FGF12: variants seen among roughly 807,000 people sequenced by gnomAD.
FGF12 encodes the protein fibroblast growth factor 12B.
FGF12 carries 14 observed loss-of-function variants against 23.6 expected under a neutral mutation model. That is an observed-to-expected ratio of 0.59 (90% CI 0.39 to 0.93). FGF12 has a LOEUF of 0.93. FGF12 is among the 40% of genes least tolerant of loss of function. FGF12 has a pLI of 0.00. For synonymous variants in FGF12, 62 were observed against 77.3 expected (o/e 0.80, Z 1.04); for missense variants, 175 against 217.8 (o/e 0.80, Z 1.24).
chr3:192,262,364 T>C (rs555143098), intron 4 of FGF12, among the ~76,000 whole-genome samples: 15 of 152,176 alleles, frequency 9.9e-5, no homozygotes, highest in Non-Finnish European at 1.9e-4. Flanking sequence ...CATTGCATGT[T>C]AAGCTCTAAA....
At chr3:192,723,650 G>A (rs886860122) in intron 2 of FGF12, among the ~76,000 whole-genome samples, 5 of 151,970 alleles carry the variant, frequency 3.3e-5, no homozygotes, top group Non-Finnish European at 7.4e-5. Context: ...AGCATCACTT[G>A]GGAGCCATTT....
At chr3:192,645,767 TAAAAAAAAAAAAAAAA>T (rs55809400) in intron 2 of FGF12, among the ~76,000 whole-genome samples, 1 of 71,042 alleles carries the variant, frequency 1.4e-5, no homozygotes, top group Non-Finnish European at 2.7e-5. Flanking sequence ...ACAAAACAGG[TAAAAAAAAAAAAAAAA>T]AAAAAAAAAA....
In FGF12 at chr3:192,170,676, A is replaced by AG. The variant is rs1491137306; in HGVS notation, c.229-21dup. The AG allele has an allele frequency of 6.9e-7, 1 of 1,446,802 alleles. No homozygotes were observed. The highest frequency in any genetic ancestry group is 9.4e-7 in the Non-Finnish European group (1 of 1,059,352). The allele number at this position is 1,446,802 out of a possible 1,614,324, so 89.6% of individuals were successfully genotyped here. A position where few individuals can be genotyped will look rare whatever the true frequency, so the allele number is the denominator to read the frequency against. On this transcript the variant is annotated intron_variant, in intron 4 of 5. Coordinates refer to ENST00000445105, the MANE Select transcript of FGF12 (RefSeq NM_004113.6). ...AACATCCTGTAGGAAAAAAAAAAAA[A>AG]GACACAAAAAAGAGAAATGATTTAA...
chr3:192,723,756 G>A (rs1719112187), intron 2 of FGF12, among the ~76,000 whole-genome samples: 1 of 151,764 alleles, frequency 6.6e-6, no homozygotes. Flanking sequence ...AGCTCTACAG[G>A]TGTTTCTATA....
intron 2 of FGF12, among the ~76,000 whole-genome samples, chr3:192,593,963 T>C (rs1233237816): frequency 6.6e-6 from 1 of 151,988 alleles, no homozygotes; most frequent in Non-Finnish European, 1.5e-5. Flanking sequence ...GACACTTTCA[T>C]TCTTAGTCTT....
intron 2 of FGF12, among the ~76,000 whole-genome samples, chr3:192,389,935 A>C (rs1376428153): frequency 6.6e-6 from 1 of 152,234 alleles, no homozygotes; most frequent in Admixed American, 6.5e-5. Context: ...TTTAATCTAA[A>C]CCAAGAATGG....
At chr3:192,318,925 A>T (rs1716383260) in intron 4 of FGF12, among the ~76,000 whole-genome samples, 1 of 152,200 alleles carries the variant, frequency 6.6e-6, no homozygotes, top group African/African-American at 2.4e-5. Flanking sequence ...ACAGGCCAAG[A>T]GGAGTGAATG....
intron 2 of FGF12, among the ~76,000 whole-genome samples, chr3:192,391,450 A>T (rs1720290933): frequency 6.6e-6 from 1 of 152,238 alleles, no homozygotes; most frequent in Non-Finnish European, 1.5e-5. Context: ...TTCTCAAAGC[A>T]CATTATAAAC....
At chr3:192,154,556 T>C (rs1227332634) in intron 5 of FGF12, among the ~76,000 whole-genome samples, 3 of 151,428 alleles carry the variant, frequency 2.0e-5, no homozygotes, top group Non-Finnish European at 1.5e-5. Flanking sequence ...GCTGCAGGTC[T>C]GTTGGAGTAC....
chr3:192,301,945 GCCATCTTTTCTCTCTTA>G (rs1715371204), intron 4 of FGF12, among the ~76,000 whole-genome samples: 1 of 152,036 alleles, frequency 6.6e-6, no homozygotes, highest in Admixed American at 6.6e-5. Flanking sequence ...CCAAATCAGA[GCCATCTTTTCTCTCTTA>G]CACCTTTTGC....
chr3:192,305,517 G>A (rs999514896), intron 4 of FGF12, among the ~76,000 whole-genome samples: 3 of 151,578 alleles, frequency 2.0e-5, no homozygotes, highest in Non-Finnish European at 2.9e-5. Flanking sequence ...TCAAACCATC[G>A]CCGTCTCTCT....
chr3:192,385,080 T>G (rs2108756361), intron 2 of FGF12, among the ~76,000 whole-genome samples: 1 of 152,276 alleles, frequency 6.6e-6, no homozygotes, highest in African/African-American at 2.4e-5. Context: ...ATAGACTCGG[T>G]TATGAAATTG....
chr3:192,440,567 A>C (rs1560111942), intron 2 of FGF12, among the ~76,000 whole-genome samples: 1 of 152,230 alleles, frequency 6.6e-6, no homozygotes, highest in African/African-American at 2.4e-5. Flanking sequence ...TTGAATTTTG[A>C]TGTGTTGAGC....
At chr3:192,238,864 A>G (rs748218215) in intron 4 of FGF12, among the ~76,000 whole-genome samples, 2 of 152,200 alleles carry the variant, frequency 1.3e-5, no homozygotes, top group Admixed American at 6.5e-5. Flanking sequence ...AGGCCTATCA[A>G]TGGTGAACCT....
intron 4 of FGF12, among the ~76,000 whole-genome samples, chr3:192,318,685 CAG>C (rs1716369974): frequency 6.6e-6 from 1 of 151,864 alleles, no homozygotes; most frequent in African/African-American, 2.4e-5. Flanking sequence ...AGAATAATAA[CAG>C]AGAACTTCAC....
intron 4 of FGF12, among the ~76,000 whole-genome samples, chr3:192,230,085 A>G (rs1718946018): frequency 6.6e-6 from 1 of 152,156 alleles, no homozygotes; most frequent in Non-Finnish European, 1.5e-5. Flanking sequence ...GAACTGATCC[A>G]AAGAATCTCA....
At chr3:192,621,668 T>C (rs1157472976) in intron 2 of FGF12, among the ~76,000 whole-genome samples, 1 of 129,436 alleles carries the variant, frequency 7.7e-6, no homozygotes, top group Non-Finnish European at 1.6e-5. Flanking sequence ...TTTTCAGCAA[T>C]ATCTTAGGCA....
intron 4 of FGF12, among the ~76,000 whole-genome samples, chr3:192,258,120 A>C (rs1307124231): frequency 6.6e-6 from 1 of 152,156 alleles, no homozygotes; most frequent in Admixed American, 6.6e-5. Context: ...GGAACCAGGA[A>C]AATTTTGCAT....
At chr3:192,686,864 T>C (rs1266488984) in intron 2 of FGF12, among the ~76,000 whole-genome samples, 1 of 133,884 alleles carries the variant, frequency 7.5e-6, no homozygotes, top group Admixed American at 7.9e-5. Flanking sequence ...AGTGTCCCTC[T>C]GTCACACAGG....
Sources: allele counts gnomAD v4.1 joint callset (sites outside exome capture counted in the v4.1 genomes callset), GRCh38; gene constraint gnomAD v4.1.1; transcripts MANE v1.5; gene names NCBI Gene and HGNC (gene_info 2026-07-23, HGNC 2026-07-21).